The following TMEM144 variants were observed in gnomAD, a reference collection of about 807,000 sequenced individuals.
TMEM144 encodes the protein transmembrane protein 144.
Under a neutral mutation model 43.6 loss-of-function variants are expected in TMEM144, and 39 were observed. The observed-to-expected ratio is 0.90, with a 90% CI of 0.69 to 1.17. The LOEUF (loss-of-function observed/expected upper bound fraction) is 1.17. TMEM144 is among the 50% of genes most tolerant of loss of function. The pLI, the probability that TMEM144 is intolerant of heterozygous loss-of-function variation, is 0.00. For missense variants in TMEM144, 417 were observed against 411.9 expected, an observed-to-expected ratio of 1.01 and a Z score of -0.11; for synonymous variants, 154 against 133.6, an observed-to-expected ratio of 1.15 and a Z score of -1.06.
At position 158,235,512 on chromosome 4, in the gene TMEM144, A is replaced by G. The variant is rs1735295941; in HGVS notation, c.563+7A>G. ...CAGTACACCACCGCATAGTGTAAGG[A>G]GAGGTTACTTCTTTGCTCTATTACT... On this transcript the variant is annotated splice_region_variant and intron_variant, in intron 8 of 12. Transcript: ENST00000296529. The G allele has an allele frequency of 1.2e-6, 2 of 1,610,276 alleles. No homozygotes were observed. Among genetic ancestry groups the G allele is most frequent in the African/African-American group, 2.7e-5 (2 of 74,880 alleles).
chr4:158,217,229 C>G lies in TMEM144; in HGVS notation c.233-92C>G. On this transcript the variant is annotated intron_variant, in intron 4 of 12. Coordinates refer to ENST00000296529, the MANE Select transcript of TMEM144 (RefSeq NM_018342.5). Reference sequence around the variant, plus strand: ...ACTAAATTTGTCCAAATCACATGCACTTCAGTTGAAGTTAGAATAAAAACT... The same window carrying G: ...ACTAAATTTGTCCAAATCACATGCAGTTCAGTTGAAGTTAGAATAAAAACT... 4 of 854,674 alleles carry G rather than the reference C, an allele frequency of 4.7e-6. No individual in the cohort carries two copies. The South Asian group carries it at 6.6e-5, about 14-fold the overall frequency. 52.9% of individuals were successfully genotyped at this position (854,674 alleles called of 1,614,324 possible).
At chr4:158,211,346 C>G (rs1435615628) in intron 1 of TMEM144, 107 bp from the exon 2 acceptor site, 1 of 152,184 alleles carries the variant, frequency 6.6e-6, no homozygotes, top group Non-Finnish European at 1.5e-5. Context: ...GTTAGACATT[C>G]TCTTCTATCA....
intron 6 of TMEM144, among the ~76,000 whole-genome samples, chr4:158,228,930 A>G (rs187649831): frequency 4.4e-4 from 67 of 152,196 alleles, no homozygotes; most frequent in African/African-American, 1.4e-3. Flanking sequence ...GAGGGTCGTG[A>G]TGGATTGAGC....
chr4:158,222,622 T>C (rs1734562889), intron 6 of TMEM144, among the ~76,000 whole-genome samples: 1 of 152,232 alleles, frequency 6.6e-6, no homozygotes, highest in Non-Finnish European at 1.5e-5. Flanking sequence ...GTCCTCTTTA[T>C]TCCTGAACTA....
At chr4:158,213,076 T>C (rs1327637865) in intron 3 of TMEM144, 2 of 467,002 alleles carry the variant, frequency 4.3e-6, no homozygotes, top group Non-Finnish European at 3.8e-6. Flanking sequence ...TTTGAAAACA[T>C]GAATCTTCAA....
intron 6 of TMEM144, among the ~76,000 whole-genome samples, chr4:158,224,525 T>C (rs1734657474): frequency 6.6e-6 from 1 of 152,206 alleles, no homozygotes; most frequent in African/African-American, 2.4e-5. Context: ...ACATACCTTG[T>C]ATAGAATAAC....
chr4:158,244,886 A>G (rs1468164098), intron 12 of TMEM144, among the ~76,000 whole-genome samples: 1 of 152,172 alleles, frequency 6.6e-6, no homozygotes, highest in Non-Finnish European at 1.5e-5. Flanking sequence ...TCTCCACCCC[A>G]TCTCCAATGG....
intron 6 of TMEM144, among the ~76,000 whole-genome samples, chr4:158,221,385 C>A (rs1453814163): frequency 6.6e-6 from 1 of 152,142 alleles, no homozygotes; most frequent in Non-Finnish European, 1.5e-5. Context: ...TCAAATGATG[C>A]AAGTGCCTCC....
chr4:158,215,306 G>C lies in TMEM144; in HGVS notation c.225G>C (p.Trp75Cys). The change falls in exon 4 of 13, where the codon TGG becomes TGC. Residue 75 changes from tryptophan (W) to cysteine (C), a missense_variant. Transcript: ENST00000296529. ...WPFAMLGGCI[W>C]ATGNIAVVPI... ...TTGCAATGCTTGGGGGCTGCATTTG[G>C]GCAACAGGTAATGTCTGATATAACT... 6.2e-7 allele frequency: 1 copy of C among 1,613,372 alleles called. No homozygotes were observed. Among genetic ancestry groups the C allele is most frequent in the Non-Finnish European group, 8.5e-7 (1 of 1,179,604 alleles).
At chr4:158,232,482 G>A (rs1018221144) in intron 6 of TMEM144, among the ~76,000 whole-genome samples, 1 of 152,202 alleles carries the variant, frequency 6.6e-6, no homozygotes, top group African/African-American at 2.4e-5. Context: ...CTCTGTGTGA[G>A]TTATACAGTT....
At chr4:158,220,337 T>A (rs1428164952) in intron 6 of TMEM144, among the ~76,000 whole-genome samples, 13 of 152,216 alleles carry the variant, frequency 8.5e-5, no homozygotes, top group Non-Finnish European at 1.3e-4. Context: ...TCACACAGAA[T>A]TCTAGCTCTG....
In TMEM144 at chr4:158,253,628, T is replaced by C. The variant is rs1355128407; in HGVS notation, c.*101T>C. The stretch of plus-strand genomic sequence containing the variant: ...AAAGAGTGCATTTTCATATAGCAAA[T>C]GGATCTCAGCCACTGTTGGAGTGGG... On this transcript the variant is annotated 3_prime_UTR_variant, in exon 13 of 13. Transcript: ENST00000296529. 1 of 917,234 alleles carries C rather than the reference T, an allele frequency of 1.1e-6. No homozygotes were observed. The highest frequency in any genetic ancestry group is 1.7e-6 in the Non-Finnish European group (1 of 590,916). 56.8% of individuals were successfully genotyped at this position (917,234 alleles called of 1,614,324 possible).
chr4:158,228,200 A>G (rs1734873000), intron 6 of TMEM144, among the ~76,000 whole-genome samples: 1 of 151,658 alleles, frequency 6.6e-6, no homozygotes, highest in Non-Finnish European at 1.5e-5. Flanking sequence ...CTTCCACTCA[A>G]ATGGAGTAGG....
intron 6 of TMEM144, among the ~76,000 whole-genome samples, chr4:158,228,489 G>A (rs2111121974): frequency 6.6e-6 from 1 of 152,338 alleles, no homozygotes; most frequent in Middle Eastern, 3.4e-3. Flanking sequence ...GTCTTACCAA[G>A]TTTCAGATGT....
At chr4:158,233,025 TA>T in intron 7 of TMEM144, 43 bp downstream of exon 7, 1 of 1,409,926 alleles carries the variant, frequency 7.1e-7, no homozygotes. Flanking sequence ...AACATAAAAT[TA>T]AGATAAATGG....
intron 3 of TMEM144, among the ~76,000 whole-genome samples, chr4:158,214,240 C>T (rs938489512): frequency 2.0e-5 from 3 of 152,074 alleles, no homozygotes; most frequent in African/African-American, 4.8e-5. Context: ...ATCTCAAGGG[C>T]TGGTCTCGAA....
intron 12 of TMEM144, among the ~76,000 whole-genome samples, chr4:158,252,278 A>G (rs1736244669): frequency 6.6e-6 from 1 of 152,132 alleles, no homozygotes; most frequent in Non-Finnish European, 1.5e-5. Context: ...GGCACCCCAT[A>G]CATAACTGAG....
chr4:158,226,660 A>G (rs868182736), intron 6 of TMEM144, among the ~76,000 whole-genome samples: 13 of 152,072 alleles, frequency 8.5e-5, no homozygotes, highest in African/African-American at 2.7e-4. Flanking sequence ...TTTTACATTC[A>G]GGAGGCCTAG....
intron 7 of TMEM144, chr4:158,233,970 A>T (rs1453509916): frequency 6.6e-6 from 1 of 152,172 alleles, no homozygotes; most frequent in Non-Finnish European, 1.5e-5. Flanking sequence ...CCTCCTGCCC[A>T]ACCATCCTCC....
Sources: gnomAD v4.1 joint callset for allele counts (sites outside exome capture counted in the v4.1 genomes callset) on GRCh38, gnomAD v4.1.1 for gene constraint, MANE v1.5 for transcripts, NCBI Gene and HGNC (gene_info 2026-07-23, HGNC 2026-07-21) for gene names.